Variants in ZNF704 observed in about 807,000 individuals in gnomAD.
The protein encoded by ZNF704 is zinc finger protein 704.
In ZNF704, 10 loss-of-function variants were observed where a neutral mutation model predicts 44.7. The observed-to-expected ratio is 0.22, with a 90% confidence interval of 0.14 to 0.38. ZNF704 has a LOEUF of 0.38. Among genes scored for constraint, ZNF704 ranks in the 10% least tolerant of loss-of-function variants. The pLI, the probability that ZNF704 is intolerant of heterozygous loss-of-function variation, is 1.00. For synonymous variants in ZNF704, 211 were observed against 207.6 expected (o/e 1.02, Z -0.14); for missense variants, 390 against 545.5 (o/e 0.71, Z 2.84).
At chr8:80,834,707 C>A (rs768081566) in intron 1 of ZNF704, among the ~76,000 whole-genome samples, 1 of 152,144 alleles carries the variant, frequency 6.6e-6, no homozygotes. Context: ...TGACAGGCCC[C>A]GGTGTGTGAT....
At chr8:80,805,439 G>A (rs527241062) in intron 2 of ZNF704, among the ~76,000 whole-genome samples, 125 of 152,226 alleles carry the variant, frequency 8.2e-4, no homozygotes, top group African/African-American at 2.6e-3. Context: ...GGAATTATGG[G>A]GGACCCAGCC....
chr8:80,654,533 T>C lies in ZNF704; in HGVS notation c.1032+5052A>G, dbSNP rs575349198. On this transcript the variant is annotated intron_variant, in intron 7 of 8. Transcript: ENST00000327835. Reference sequence around the variant, plus strand: ...ACCCCATCAAAAAGTGGGCGAAGGATATGAACAGACACTTCTCAAAAGAAG... The same window carrying C: ...ACCCCATCAAAAAGTGGGCGAAGGACATGAACAGACACTTCTCAAAAGAAG... Among the ~76,000 whole-genome samples, 29 of 152,252 alleles carry C rather than the reference T, an allele frequency of 1.9e-4. No homozygotes were observed. The East Asian group carries it at 4.1e-3, about 21-fold the overall frequency.
At chr8:80,827,344 T>C (rs199625371) in intron 1 of ZNF704, among the ~76,000 whole-genome samples, 2 of 152,014 alleles carry the variant, frequency 1.3e-5, no homozygotes, top group African/African-American at 2.4e-5. Flanking sequence ...GAATAAAATA[T>C]CTAGGAATCC....
intron 2 of ZNF704, among the ~76,000 whole-genome samples, chr8:80,734,288 T>C (rs1230827072): frequency 6.6e-6 from 1 of 152,262 alleles, no homozygotes; most frequent in African/African-American, 2.4e-5. Context: ...ATCAGTCATA[T>C]GGAAAGGTCC....
chr8:80,688,773 A>G (rs966624324), intron 3 of ZNF704, among the ~76,000 whole-genome samples: 3 of 152,170 alleles, frequency 2.0e-5, no homozygotes, highest in African/African-American at 7.2e-5. Context: ...AGCCTGGCCT[A>G]TATGGCGAAA....
chr8:80,806,479 G>A (rs1257857411), intron 2 of ZNF704, among the ~76,000 whole-genome samples: 1 of 152,040 alleles, frequency 6.6e-6, no homozygotes, highest in Non-Finnish European at 1.5e-5. Context: ...AAAGGTTTGT[G>A]TTTTTTTCTT....
In ZNF704 at chr8:80,639,957, G is replaced by A. The variant is rs1460667496; in HGVS notation, c.*1409C>T. The A allele has an allele frequency of 2.0e-5, 3 of 152,516 alleles. No individual in the cohort carries two copies. The highest frequency in any genetic ancestry group is 4.4e-5 in the Non-Finnish European group (3 of 68,028). The allele number at this position is 152,516 out of a possible 1,614,324, so 9.4% of individuals were successfully genotyped here. A position where few individuals can be genotyped will look rare whatever the true frequency, so the allele number is the denominator to read the frequency against. On this transcript the variant is annotated 3_prime_UTR_variant, in exon 9 of 9. Transcript: ENST00000327835. ...TGAGAGTCGGGTAGATAGAGAATGA[G>A]CTTATTTATAGGGCTTGACGACTCC...
chr8:80,807,419 G>A (rs1487128426), intron 2 of ZNF704, among the ~76,000 whole-genome samples: 2 of 151,998 alleles, frequency 1.3e-5, no homozygotes, highest in African/African-American at 2.4e-5. Context: ...GTGAAAAGGT[G>A]TTTTTAAATA....
At chr8:80,751,558 C>A (rs1370355114) in intron 2 of ZNF704, among the ~76,000 whole-genome samples, 4 of 152,194 alleles carry the variant, frequency 2.6e-5, no homozygotes, top group Non-Finnish European at 5.9e-5. Flanking sequence ...AAAATTCATA[C>A]ACAAGCATTA....
intron 1 of ZNF704, among the ~76,000 whole-genome samples, chr8:80,849,373 G>A (rs1256595370): frequency 6.6e-6 from 1 of 152,134 alleles, no homozygotes; most frequent in Non-Finnish European, 1.5e-5. Flanking sequence ...ATCCTACTAT[G>A]TTACCTTTCC....
At chr8:80,709,442 CAAAAAAAAA>C (rs780264820) in intron 2 of ZNF704, among the ~76,000 whole-genome samples, 9 of 15,834 alleles carry the variant, frequency 5.7e-4, no homozygotes, top group Admixed American at 1.1e-3. Flanking sequence ...GACTCCATCT[CAAAAAAAAA>C]AAAAAAAAAA....
At chr8:80,696,051 C>T (rs1212600001) in intron 2 of ZNF704, among the ~76,000 whole-genome samples, 4 of 152,134 alleles carry the variant, frequency 2.6e-5, no homozygotes, top group Non-Finnish European at 5.9e-5. Flanking sequence ...TGGTACACTA[C>T]TATCTAATTA....
At chr8:80,648,067 A>G (rs1166075701) in intron 7 of ZNF704, among the ~76,000 whole-genome samples, 1 of 152,138 alleles carries the variant, frequency 6.6e-6, no homozygotes, top group Non-Finnish European at 1.5e-5. Context: ...CACTTAAGAG[A>G]AGGCTGAGCT....
chr8:80,836,788 C>CA (rs1208538956), intron 1 of ZNF704, among the ~76,000 whole-genome samples: 1 of 151,704 alleles, frequency 6.6e-6, no homozygotes, highest in East Asian at 1.9e-4. Context: ...GAACCTATCT[C>CA]AAAAAAACAA....
intron 2 of ZNF704, among the ~76,000 whole-genome samples, chr8:80,800,684 C>T (rs1369690814): frequency 6.6e-6 from 1 of 152,160 alleles, no homozygotes; most frequent in African/African-American, 2.4e-5. Context: ...AGAGGAAAAA[C>T]TGTTACCAGC....
chr8:80,729,665 A>G (rs1806543320), intron 2 of ZNF704, among the ~76,000 whole-genome samples: 1 of 152,148 alleles, frequency 6.6e-6, no homozygotes, highest in South Asian at 2.1e-4. Context: ...ACTCCTGCAG[A>G]TTGGTTCCAA....
intron 2 of ZNF704, among the ~76,000 whole-genome samples, chr8:80,773,009 G>A (rs1464194900): frequency 6.6e-6 from 1 of 151,960 alleles, no homozygotes; most frequent in Non-Finnish European, 1.5e-5. Context: ...TTGATTCATG[G>A]GTTATATAGA....
At chr8:80,641,521 A>C (rs1360277219) in intron 8 of ZNF704, 44 bp from the exon 9 acceptor site, 2 of 1,321,624 alleles carry the variant, frequency 1.5e-6, no homozygotes, top group African/African-American at 1.5e-5. Flanking sequence ...GAGGAATTCA[A>C]TGGGCATTCT....
At chr8:80,821,830 CA>C (rs1019551262) in intron 1 of ZNF704, among the ~76,000 whole-genome samples, 1 of 152,046 alleles carries the variant, frequency 6.6e-6, no homozygotes, top group African/African-American at 2.4e-5. Context: ...AGAAACATCA[CA>C]AACACACAAA....
Sources: gnomAD v4.1 joint callset for allele counts (sites outside exome capture counted in the v4.1 genomes callset) on GRCh38, gnomAD v4.1.1 for gene constraint, MANE v1.5 for transcripts, NCBI Gene and HGNC (gene_info 2026-07-23, HGNC 2026-07-21) for gene names.